FGF12: variants seen among roughly 807,000 people sequenced by gnomAD.
The protein encoded by FGF12 is fibroblast growth factor 12, also known as fibroblast growth factor 12B.
In FGF12, 14 loss-of-function variants were observed where a neutral mutation model predicts 23.6. That is an observed-to-expected ratio of 0.59 (90% CI 0.39 to 0.93). The LOEUF is 0.93. FGF12 is among the 40% of genes least tolerant of loss of function. The pLI is 0.00. For synonymous variants in FGF12, 62 were observed against 77.3 expected, an observed-to-expected ratio of 0.80 and a Z score of 1.04; for missense variants, 175 against 217.8, an observed-to-expected ratio of 0.80 and a Z score of 1.24.
chr3:192,596,034 A>T (rs1017599318), intron 2 of FGF12, among the ~76,000 whole-genome samples: 1 of 150,606 alleles, frequency 6.6e-6, no homozygotes, highest in Non-Finnish European at 1.5e-5. Flanking sequence ...CGGGGGTTGC[A>T]GTTAGCCGAT....
At chr3:192,452,639 C>T (rs1393516174) in intron 2 of FGF12, among the ~76,000 whole-genome samples, 3 of 152,202 alleles carry the variant, frequency 2.0e-5, no homozygotes, top group Admixed American at 2.0e-4. Flanking sequence ...GGGAACACTA[C>T]ACAAACTAAA....
intron 4 of FGF12, among the ~76,000 whole-genome samples, chr3:192,212,796 G>GA (rs1351786862): frequency 7.1e-6 from 1 of 141,250 alleles, no homozygotes; most frequent in African/African-American, 2.7e-5. Flanking sequence ...TGGGGGGGGG[G>GA]TTAAAAAAAG....
intron 2 of FGF12, among the ~76,000 whole-genome samples, chr3:192,439,847 G>T (rs1426679051): frequency 6.6e-6 from 1 of 151,874 alleles, no homozygotes; most frequent in East Asian, 1.9e-4. Context: ...TGTGGTGGTG[G>T]GCGCCTGTAA....
At chr3:192,352,548 C>T (rs1173928149) in intron 3 of FGF12, among the ~76,000 whole-genome samples, 1 of 152,188 alleles carries the variant, frequency 6.6e-6, no homozygotes, top group East Asian at 1.9e-4. Flanking sequence ...CAAATTCTTC[C>T]ATATAATAAT....
chr3:192,443,650 C>T (rs530968996), intron 2 of FGF12, among the ~76,000 whole-genome samples: 64 of 152,292 alleles, frequency 4.2e-4, no homozygotes, highest in Non-Finnish European at 8.7e-4. Context: ...TTCAAAATGT[C>T]TCTCAATATA....
intron 2 of FGF12, among the ~76,000 whole-genome samples, chr3:192,560,118 C>T (rs1357790149): frequency 1.3e-5 from 2 of 151,962 alleles, no homozygotes; most frequent in Admixed American, 6.6e-5. Context: ...CGAAACAGCA[C>T]ATTTGTAAAT....
At chr3:192,554,344 C>A (rs891386241) in intron 2 of FGF12, among the ~76,000 whole-genome samples, 1 of 152,100 alleles carries the variant, frequency 6.6e-6, no homozygotes, top group African/African-American at 2.4e-5. Flanking sequence ...TGTGTCCCAA[C>A]ATTTACTAGA....
chr3:192,420,458 G>A lies in FGF12; in HGVS notation c.14-59920C>T, dbSNP rs1313387580. ...AATATGATCACCAATGTTGGAGGTGGGACCTGGTGGGAGGTGTTTGGGTCA... is the reference window on the plus strand; with the variant it reads ...AATATGATCACCAATGTTGGAGGTGAGACCTGGTGGGAGGTGTTTGGGTCA... On this transcript the variant is annotated intron_variant, in intron 2 of 5. Coordinates refer to ENST00000445105, the MANE Select transcript of FGF12 (RefSeq NM_004113.6). Among the ~76,000 whole-genome samples, 3 of 152,136 alleles carry A rather than the reference G, an allele frequency of 2.0e-5. No individual in the cohort carries two copies. The East Asian group carries it at 5.8e-4, about 29-fold the overall frequency.
chr3:192,628,440 AAT>A (rs1305327940), intron 2 of FGF12, among the ~76,000 whole-genome samples: 3 of 90,690 alleles, frequency 3.3e-5, no homozygotes, highest in African/African-American at 1.3e-4. Flanking sequence ...CAACCAAAGG[AAT>A]ACACACACAC....
chr3:192,643,487 C>A (rs2108667229), intron 2 of FGF12, among the ~76,000 whole-genome samples: 1 of 152,298 alleles, frequency 6.6e-6, no homozygotes, highest in African/African-American at 2.4e-5. Context: ...GAGCTCTCTC[C>A]TTCATGCAAA....
Position 192,171,308 on chromosome 3 carries a change from C to T in FGF12, c.229-652G>A, listed in dbSNP as rs114213602. On this transcript the variant is annotated intron_variant, in intron 4 of 5. Coordinates refer to ENST00000445105, the MANE Select transcript of FGF12 (RefSeq NM_004113.6). ...TATTACTATTGACCTCAGTGAAACA[C>T]AGAATGAGAGTTCTAGTCTCAGAAG... Among the ~76,000 whole-genome samples the T allele has an allele frequency of 5.0e-3, 755 of 152,206 alleles. 4 individuals carry two copies. The highest frequency in any genetic ancestry group is 0.017 in the African/African-American group (699 of 41,532).
rs1165030787 is a variant in FGF12 at position 192,204,632 on chromosome 3, T to G, written c.229-33976A>C. 2.0e-5 allele frequency among the ~76,000 whole-genome samples: 3 copies of G among 152,262 alleles called. No individual in the cohort carries two copies. The East Asian group carries it at 5.8e-4, about 29-fold the overall frequency. ...CAGGAGTGGTGGCTCAGGTTTGTAA[T>G]CCCAGCACTTTGGGAGATCAAGGTG... On this transcript the variant is annotated intron_variant, in intron 4 of 5. Transcript: ENST00000445105.
At chr3:192,673,821 A>T (rs1348385224) in intron 2 of FGF12, among the ~76,000 whole-genome samples, 1 of 151,028 alleles carries the variant, frequency 6.6e-6, no homozygotes, top group African/African-American at 2.4e-5. Flanking sequence ...CCAAGACTTT[A>T]TTATTGTGAA....
chr3:192,518,055 T>C (rs1375623899), intron 2 of FGF12, among the ~76,000 whole-genome samples: 1 of 152,178 alleles, frequency 6.6e-6, no homozygotes, highest in Non-Finnish European at 1.5e-5. Flanking sequence ...TTTTCTCCTT[T>C]CTGTGTATTA....
At chr3:192,645,460 G>A (rs1715968102) in intron 2 of FGF12, among the ~76,000 whole-genome samples, 1 of 152,082 alleles carries the variant, frequency 6.6e-6, no homozygotes, top group African/African-American at 2.4e-5. Flanking sequence ...GGCTTAGGTA[G>A]TAAGAAGAAT....
chr3:192,311,942 T>TATC (rs1358945663), intron 4 of FGF12, among the ~76,000 whole-genome samples: 1 of 151,764 alleles, frequency 6.6e-6, no homozygotes, highest in Non-Finnish European at 1.5e-5. Flanking sequence ...TCTATCTATC[T>TATC]ATCTATCTAT....
At chr3:192,329,542 A>G (rs1716999453) in intron 4 of FGF12, among the ~76,000 whole-genome samples, 1 of 152,122 alleles carries the variant, frequency 6.6e-6, no homozygotes, top group South Asian at 2.1e-4. Flanking sequence ...AAACAACTCA[A>G]ATATAAAAAG....
intron 2 of FGF12, among the ~76,000 whole-genome samples, chr3:192,639,190 A>T (rs755051143): frequency 6.6e-6 from 1 of 152,244 alleles, no homozygotes; most frequent in Non-Finnish European, 1.5e-5. Flanking sequence ...ACCAATAGGT[A>T]TATAAAAAGG....
chr3:192,205,237 A>G (rs1462286291), intron 4 of FGF12, among the ~76,000 whole-genome samples: 2 of 152,228 alleles, frequency 1.3e-5, no homozygotes, highest in Non-Finnish European at 2.9e-5. Context: ...CAAGATTAAA[A>G]TATTCAACCT....
Sources: gnomAD v4.1 joint callset for allele counts (sites outside exome capture counted in the v4.1 genomes callset) on GRCh38, gnomAD v4.1.1 for gene constraint, MANE v1.5 for transcripts, NCBI Gene and HGNC (gene_info 2026-07-23, HGNC 2026-07-21) for gene names.